Variants in ASB2 observed in about 807,000 individuals in gnomAD.
ASB2 encodes ankyrin repeat and SOCS box protein 2.
Under a neutral mutation model 62.4 loss-of-function variants are expected in ASB2, and 58 were observed. The observed-to-expected ratio is 0.93, with a 90% CI of 0.75 to 1.16. The LOEUF (loss-of-function observed/expected upper bound fraction) is 1.16, where lower values mean the gene tolerates loss of function less well. ASB2 is among the 50% of genes most tolerant of loss of function. ASB2 has a pLI of 0.00. For synonymous variants in ASB2, 386 were observed against 385.3 expected (o/e 1.00, Z -0.02); for missense variants, 928 against 887.9 (o/e 1.05, Z -0.57).
intron 2 of ASB2, 142 bp downstream of exon 2, chr14:93,964,192 A>G (rs1311221362): frequency 2.7e-6 from 2 of 744,230 alleles, no homozygotes; most frequent in Non-Finnish European, 4.6e-6. Context: ...TGGTAAGTTC[A>G]GATAACAAAT....
At chr14:93,962,313 A>T (rs941728358) in intron 2 of ASB2, among the ~76,000 whole-genome samples, 1 of 151,536 alleles carries the variant, frequency 6.6e-6, no homozygotes, top group Non-Finnish European at 1.5e-5. Context: ...ACGGGGTTTC[A>T]CCGTTTTAGC....
intron 9 of ASB2, among the ~76,000 whole-genome samples, chr14:93,936,287 A>G (rs1399660841): frequency 6.6e-6 from 1 of 152,248 alleles, no homozygotes; most frequent in Non-Finnish European, 1.5e-5. Context: ...ATATTGGTTA[A>G]GAACGATTGG....
rs35127276 is a variant in ASB2 at position 93,938,233 on chromosome 14, C to CTTTTT, written c.1618-387_1618-383dup. Reference sequence around the variant, plus strand: ...TGTCTAACTTCCTTTTAAGTTCTGACTTTTTTTTTTTTTTTTTTTTTTTTT... The same window carrying CTTTTT: ...TGTCTAACTTCCTTTTAAGTTCTGACTTTTTTTTTTTTTTTTTTTTTTTTTTTTTT... On this transcript the variant is annotated intron_variant, in intron 8 of 9. Transcript: ENST00000555019. 4.0e-3 allele frequency among the ~76,000 whole-genome samples: 270 copies of CTTTTT among 67,610 alleles called. 27 individuals carry two copies. The highest frequency in any genetic ancestry group is 0.014 in the East Asian group (25 of 1,736). 44.4% of individuals were successfully genotyped at this position (67,610 alleles called of 152,430 possible).
chr14:93,968,949 C>A (rs969125311), intron 1 of ASB2, among the ~76,000 whole-genome samples: 1 of 152,216 alleles, frequency 6.6e-6, no homozygotes. Flanking sequence ...AGGGACTCTG[C>A]CTTTGAAGAG....
chr14:93,953,606 T>A, intron 4 of ASB2, 99 bp from the exon 5 acceptor site: 1 of 1,048,432 alleles, frequency 9.5e-7, no homozygotes, highest in Non-Finnish European at 1.3e-6. Flanking sequence ...GAACAATGTA[T>A]GACATCCTCT....
intron 6 of ASB2, among the ~76,000 whole-genome samples, chr14:93,949,797 G>A (rs746631056): frequency 7.9e-5 from 12 of 152,198 alleles, no homozygotes; most frequent in Admixed American, 3.3e-4. Flanking sequence ...CATGCTGTCC[G>A]TCACCAGGAC....
In ASB2 at chr14:93,934,860, AC is replaced by A. The variant is rs1378748593; in HGVS notation, c.1772-69del. ...AATAAGCAAAGGGATTGCATCTGTGACCCCAGCCTATGGGAGGTGCCCAGCT... is the reference window on the plus strand; with the variant it reads ...AATAAGCAAAGGGATTGCATCTGTGACCCAGCCTATGGGAGGTGCCCAGCT... On this transcript the variant is annotated intron_variant, in intron 9 of 9. Coordinates refer to ENST00000555019, the MANE Select transcript of ASB2 (RefSeq NM_001202429.2). The A allele has an allele frequency of 1.7e-5, 23 of 1,383,018 alleles. 1 individual carries two copies. The African/African-American group carries it at 2.8e-4, about 17-fold the overall frequency. 85.7% of individuals were successfully genotyped at this position (1,383,018 alleles called of 1,614,324 possible).
chr14:93,947,546 G>A (rs1046904681), intron 6 of ASB2, 26 bp from the exon 7 acceptor site: 2 of 1,610,236 alleles, frequency 1.2e-6, no homozygotes, highest in Non-Finnish European at 1.7e-6. Flanking sequence ...AGATCAGCAA[G>A]TGGCCAAGTG....
rs143950887 is a variant in ASB2, at chr14:93,976,267, C to T, written c.-74+167G>A. Among the ~76,000 whole-genome samples, 354 of 152,262 alleles carry T rather than the reference C, an allele frequency of 2.3e-3. 2 individuals are homozygous for T. The highest frequency in any genetic ancestry group is 0.01 in the Middle Eastern group (3 of 294). On this transcript the variant is annotated intron_variant, in intron 1 of 9. Coordinates refer to ENST00000555019, the MANE Select transcript of ASB2 (RefSeq NM_001202429.2). The stretch of plus-strand genomic sequence containing the variant: ...GAGTCTCTGTTCATTGCATCCAAAA[C>T]GAAAGTCACCAGCGTGCTGTATAAC...
At chr14:93,938,115 A>C (rs1242608442) in intron 8 of ASB2, among the ~76,000 whole-genome samples, 3 of 152,132 alleles carry the variant, frequency 2.0e-5, no homozygotes, top group African/African-American at 7.2e-5. Context: ...TAACATGAGA[A>C]TTAGGTAATA....
chr14:93,945,431 C>T lies in ASB2; in HGVS notation c.1052+1918G>A, dbSNP rs79227914. 6.2e-3 allele frequency among the ~76,000 whole-genome samples: 948 copies of T among 152,304 alleles called. 14 individuals are homozygous for T. The highest frequency in any genetic ancestry group is 0.022 in the African/African-American group (897 of 41,558). ...TAAGTAAGAGTGGGTGAGCATAGGACGCCTGAGCACACACTGGGTGCAGGC... is the reference window on the plus strand; with the variant it reads ...TAAGTAAGAGTGGGTGAGCATAGGATGCCTGAGCACACACTGGGTGCAGGC... On this transcript the variant is annotated intron_variant, in intron 7 of 9. Coordinates refer to ENST00000555019, the MANE Select transcript of ASB2 (RefSeq NM_001202429.2).
At chr14:93,957,318 G>A in intron 2 of ASB2, 3 of 1,060,136 alleles carry the variant, frequency 2.8e-6, no homozygotes, top group Non-Finnish European at 3.4e-6. Flanking sequence ...AGAGGATAGG[G>A]GAGCAAAGCT....
intron 2 of ASB2, among the ~76,000 whole-genome samples, chr14:93,961,046 AGGAG>A (rs1889392906): frequency 6.6e-6 from 1 of 152,180 alleles, no homozygotes; most frequent in Admixed American, 6.5e-5. Context: ...GAACACTCTC[AGGAG>A]GGTGTCCCAG....
intron 1 of ASB2, among the ~76,000 whole-genome samples, chr14:93,965,910 C>G (rs1889575945): frequency 6.6e-6 from 1 of 152,236 alleles, no homozygotes; most frequent in Admixed American, 6.5e-5. Context: ...GCTTGCTGCC[C>G]CTCAGCCTAG....
intron 1 of ASB2, among the ~76,000 whole-genome samples, chr14:93,965,413 A>C (rs1889557548): frequency 6.6e-6 from 1 of 152,242 alleles, no homozygotes; most frequent in African/African-American, 2.4e-5. Flanking sequence ...CCAGAGATGA[A>C]TCAGACACAG....
chr14:93,934,757 G>T lies in ASB2; in HGVS notation c.1807C>A (p.Arg603=), dbSNP rs536002850. ...PRPLAHLCRL[R]VRKAIGKYRI... ...TATTTCCCAATGGCCTTTCGAACCCGCAGTCGGCAAAGGTGAGCCAGAGGT... is the reference window on the plus strand; with the variant it reads ...TATTTCCCAATGGCCTTTCGAACCCTCAGTCGGCAAAGGTGAGCCAGAGGT... The change falls in exon 10 of 10, where the codon CGG becomes AGG. Residue 603 remains arginine, a synonymous_variant. Transcript: ENST00000555019. 5.0e-6 allele frequency: 8 copies of T among 1,613,150 alleles called. No individual in the cohort carries two copies. The African/African-American group carries it at 9.3e-5, about 19-fold the overall frequency.
At chr14:93,954,838 G>A (rs529716174) in intron 3 of ASB2, among the ~76,000 whole-genome samples, 8 of 152,220 alleles carry the variant, frequency 5.3e-5, no homozygotes, top group African/African-American at 1.2e-4. Context: ...CGCCCATCTC[G>A]GGGGCCCCCT....
chr14:93,970,117 G>A (rs561192297), intron 1 of ASB2: 9 of 152,404 alleles, frequency 5.9e-5, no homozygotes, highest in African/African-American at 2.2e-4. Flanking sequence ...GGGAACTGGC[G>A]GTGGATGGGG....
At chr14:93,952,566 A>G (rs1006179504) in intron 5 of ASB2, among the ~76,000 whole-genome samples, 1 of 152,244 alleles carries the variant, frequency 6.6e-6, no homozygotes, top group East Asian at 1.9e-4. Context: ...AGGCATGGAC[A>G]GGATGCTTTA....
Sources: allele counts gnomAD v4.1 joint callset (sites outside exome capture counted in the v4.1 genomes callset), GRCh38; gene constraint gnomAD v4.1.1; transcripts MANE v1.5; gene names NCBI Gene and HGNC (gene_info 2026-07-23, HGNC 2026-07-21).